The following BCAR1 variants were observed in gnomAD, a reference collection of about 807,000 sequenced individuals.
BCAR1 encodes breast cancer anti-estrogen resistance protein 1.
A neutral mutation model predicts 67.6 loss-of-function variants in BCAR1; 30 were observed. That is an observed-to-expected ratio of 0.44 (90% CI 0.33 to 0.60). BCAR1 has a LOEUF of 0.60. BCAR1 is among the 20% of genes least tolerant of loss of function. The probability of loss-of-function intolerance (pLI) is 0.02; values close to 1 mark genes in which losing one functional copy is unlikely to be tolerated. For missense variants in BCAR1, 1,313 were observed against 1,222.3 expected, an observed-to-expected ratio of 1.07 and a Z score of -1.11; for synonymous variants, 626 against 556.7, an observed-to-expected ratio of 1.12 and a Z score of -1.75.
At position 75,233,912 on chromosome 16, in the gene BCAR1, G is replaced by A. The variant is rs1302450507; in HGVS notation, c.2034C>T (p.Thr678=). 1.2e-6 allele frequency: 2 copies of A among 1,609,696 alleles called. No homozygotes were observed. The highest frequency in any genetic ancestry group is 1.1e-5 in the South Asian group (1 of 89,950). Reference sequence around the variant, plus strand: ...TGCCCTTTTCCAGCAGCTCCTTCTGGGTCTTCTCAAACTCCTCCTTCCCCT... The same window carrying A: ...TGCCCTTTTCCAGCAGCTCCTTCTGAGTCTTCTCAAACTCCTCCTTCCCCT... ...HLQGKEEFEK[T]QKELLEKGSI... The change falls in exon 6 of 7, where the codon ACC becomes ACT. Residue 678 remains threonine (T), a synonymous_variant. Transcript: ENST00000162330.
intron 1 of BCAR1, among the ~76,000 whole-genome samples, chr16:75,262,988 T>C (rs1325412687): frequency 6.6e-6 from 1 of 152,210 alleles, no homozygotes; most frequent in Admixed American, 6.5e-5. Flanking sequence ...TTTTATGGCT[T>C]TGGATCCTGC....
chr16:75,264,865 G>A, intron 1 of BCAR1: 1 of 190,282 alleles, frequency 5.3e-6, no homozygotes, highest in South Asian at 1.9e-4. Context: ...GGAAACGATG[G>A]CTGGAGGCCA....
chr16:75,266,830 G>C, intron 1 of BCAR1: 1 of 1,299,732 alleles, frequency 7.7e-7, no homozygotes, highest in Non-Finnish European at 9.9e-7. Flanking sequence ...GGTCAGCGCT[G>C]CCCACCCCAG....
chr16:75,247,795 C>T lies in BCAR1; in HGVS notation c.12+3676G>A, dbSNP rs1009515206. 4 of 524,988 alleles carry T rather than the reference C, an allele frequency of 7.6e-6. No individual in the cohort carries two copies. In the Admixed American group the frequency reaches 9.4e-5, roughly 12 times the overall value. The allele number at this position is 524,988 out of a possible 1,614,324, so 32.5% of individuals were successfully genotyped here. Reference sequence around the variant, plus strand: ...AGGCCTGGCTCATATCTGGCCTGCACCCTTTCACCCAGCAAATATGACCTC... The same window carrying T: ...AGGCCTGGCTCATATCTGGCCTGCATCCTTTCACCCAGCAAATATGACCTC... On this transcript the variant is annotated intron_variant, in intron 1 of 6. Coordinates refer to ENST00000162330, the MANE Select transcript of BCAR1 (RefSeq NM_014567.5).
intron 1 of BCAR1, chr16:75,249,939 C>G (rs1262471429): frequency 6.6e-6 from 1 of 152,260 alleles, no homozygotes; most frequent in South Asian, 2.1e-4. Flanking sequence ...AACTGACTGT[C>G]TCTCTGTACC....
intron 1 of BCAR1, among the ~76,000 whole-genome samples, chr16:75,244,896 A>AGG (rs994659542): frequency 6.6e-6 from 1 of 152,274 alleles, no homozygotes; most frequent in African/African-American, 2.4e-5. Context: ...ACGTAAAGAC[A>AGG]AGAGAGGGTC....
At position 75,228,991 on chromosome 16, in the gene BCAR1, C is replaced by G. The variant is rs548730164; in HGVS notation, c.*520G>C. 6.5e-6 allele frequency: 1 copy of G among 152,770 alleles called. No individual in the cohort carries two copies. The highest frequency in any genetic ancestry group is 1.9e-4 in the East Asian group (1 of 5,182). 9.5% of individuals were successfully genotyped at this position (152,770 alleles called of 1,614,324 possible). A position where few individuals can be genotyped will look rare whatever the true frequency, so the allele number is the denominator to read the frequency against. On this transcript the variant is annotated 3_prime_UTR_variant, in exon 7 of 7. Transcript: ENST00000162330. ...CCGGGTGCCTTCCCCAGAACCGTCA[C>G]CCACCCCGGGCTGCTCTCATCTGCC...
intron 1 of BCAR1, chr16:75,265,232 G>C (rs1220173713): frequency 6.6e-6 from 1 of 152,448 alleles, no homozygotes; most frequent in African/African-American, 2.4e-5. Flanking sequence ...ATCCGCCGTG[G>C]AGGGCAGGCA....
At chr16:75,240,862 A>G (rs541058414) in intron 2 of BCAR1, among the ~76,000 whole-genome samples, 48 of 152,340 alleles carry the variant, frequency 3.2e-4, no homozygotes, top group African/African-American at 1.2e-3. Flanking sequence ...CCCTGATGCA[A>G]TTGAGAGCAG....
At chr16:75,234,681 CAG>C (rs1213048367) in intron 5 of BCAR1, among the ~76,000 whole-genome samples, 1 of 152,222 alleles carries the variant, frequency 6.6e-6, no homozygotes, top group Non-Finnish European at 1.5e-5. Context: ...TGCTGGTCAC[CAG>C]AGATACCAGC....
At chr16:75,264,314 AG>A in intron 1 of BCAR1, 1 of 1,447,546 alleles carries the variant, frequency 6.9e-7, no homozygotes, top group Non-Finnish European at 9.1e-7. Flanking sequence ...GGATGTGGCC[AG>A]AGTGACATTC....
In BCAR1 at chr16:75,235,462, G is replaced by C; in HGVS notation, c.1437C>G (p.Asp479Glu). The C allele has an allele frequency of 6.2e-7, 1 of 1,606,996 alleles. No individual in the cohort carries two copies. The highest frequency in any genetic ancestry group is 8.5e-7 in the Non-Finnish European group (1 of 1,178,114). ...CAGTCGCACCGGCGCTGCCTGCCAG[G>C]TCCAGAAGGTGGGCAACGGTGGCGC... Reference protein sequence around the residue: ...GVSATVAHLLDLAGSAGATGS... With the variant: ...GVSATVAHLLELAGSAGATGS... The change falls in exon 5 of 7, where the codon GAC becomes GAG. Residue 479 changes from aspartate (D) to glutamate (E), a missense_variant. Transcript: ENST00000162330.
chr16:75,252,000 T>C, upstream of BCAR1: 1 of 625,434 alleles, frequency 1.6e-6, no homozygotes, highest in South Asian at 2.0e-5. Context: ...CAAGTCGACT[T>C]GTCTTTCCCG....
chr16:75,263,864 C>T (rs750268301), intron 1 of BCAR1: 81 of 1,000,698 alleles, frequency 8.1e-5, no homozygotes, highest in Middle Eastern at 5.0e-4. Context: ...AGCAATTTTC[C>T]GAACACTTCA....
chr16:75,252,107 G>A, upstream of BCAR1: 1 of 1,298,504 alleles, frequency 7.7e-7, no homozygotes, highest in Non-Finnish European at 1.1e-6. Context: ...CAGCCTGTAG[G>A]AGACGAATCA....
Position 75,242,378 on chromosome 16 carries a change from G to A in BCAR1, c.633+92C>T, listed in dbSNP as rs544938126. On this transcript the variant is annotated intron_variant, in intron 2 of 6. Transcript: ENST00000162330. Reference sequence around the variant, plus strand: ...AACACACAGCCACTCCTGGAATGCCGGTGATTGAGGGTGGCTGGACCCTTC... The same window carrying A: ...AACACACAGCCACTCCTGGAATGCCAGTGATTGAGGGTGGCTGGACCCTTC... The A allele has an allele frequency of 1.5e-5, 20 of 1,319,082 alleles. No individual in the cohort carries two copies. In the Middle Eastern group the frequency reaches 7.6e-4, roughly 50 times the overall value. The allele number at this position is 1,319,082 out of a possible 1,614,324, so 81.7% of individuals were successfully genotyped here.
chr16:75,253,200 C>G (rs370887923), upstream of BCAR1, among the ~76,000 whole-genome samples: 19 of 152,304 alleles, frequency 1.2e-4, 2 homozygotes, highest in Admixed American at 5.9e-4. Context: ...TGTGCCGGGC[C>G]CCTCCTGCAC....
chr16:75,243,478 C>T, intron 1 of BCAR1: 1 of 543,284 alleles, frequency 1.8e-6, no homozygotes, highest in Non-Finnish European at 3.6e-6. Context: ...GCAAATGGTT[C>T]TCTCTCGAGG....
chr16:75,261,276 CA>C (rs950875364), intron 1 of BCAR1, among the ~76,000 whole-genome samples: 3 of 152,252 alleles, frequency 2.0e-5, no homozygotes, highest in Admixed American at 2.0e-4. Context: ...AGGCCAAGGC[CA>C]GGGGTGAAGG....
Sources: allele counts gnomAD v4.1 joint callset (sites outside exome capture counted in the v4.1 genomes callset), GRCh38; gene constraint gnomAD v4.1.1; transcripts MANE v1.5; gene names NCBI Gene and HGNC (gene_info 2026-07-23, HGNC 2026-07-21).